KCNQ5: variants seen among roughly 807,000 people sequenced by gnomAD.
KCNQ5 encodes potassium voltage-gated channel subfamily Q member 5.
Under a neutral mutation model 98.2 loss-of-function variants are expected in KCNQ5, and 30 were observed. That is an observed-to-expected ratio of 0.31 (90% CI 0.23 to 0.41). The LOEUF (loss-of-function observed/expected upper bound fraction) is 0.41. Ranked by LOEUF, KCNQ5 falls within the 10% of genes least tolerant of loss-of-function variation. The pLI is 1.00. For synonymous variants in KCNQ5, 458 were observed against 449.4 expected, an observed-to-expected ratio of 1.02 and a Z score of -0.24; for missense variants, 835 against 1,182.5, an observed-to-expected ratio of 0.71 and a Z score of 4.31.
chr6:73,185,020 GAGT>G (rs1218210317), intron 11 of KCNQ5, among the ~76,000 whole-genome samples: 1 of 152,214 alleles, frequency 6.6e-6, no homozygotes, highest in Non-Finnish European at 1.5e-5. Context: ...GGGATATGAA[GAGT>G]AGAAGACATA....
chr6:72,680,945 CAG>C (rs997280773), intron 1 of KCNQ5, among the ~76,000 whole-genome samples: 1 of 152,102 alleles, frequency 6.6e-6, no homozygotes, highest in African/African-American at 2.4e-5. Flanking sequence ...CAAGTGGCAA[CAG>C]AAGAAAGAGC....
chr6:72,916,463 G>C (rs1190316274), intron 1 of KCNQ5, among the ~76,000 whole-genome samples: 1 of 152,172 alleles, frequency 6.6e-6, no homozygotes. Context: ...CGATGATAGA[G>C]AGAGGCAGAT....
chr6:73,036,548 C>A (rs1209562462), intron 2 of KCNQ5, among the ~76,000 whole-genome samples: 1 of 152,044 alleles, frequency 6.6e-6, no homozygotes, highest in Non-Finnish European at 1.5e-5. Context: ...TTCTCCATTT[C>A]TGAAATGTTT....
chr6:73,124,874 G>A lies in KCNQ5; in HGVS notation c.1247+362G>A, dbSNP rs148815322. Among the ~76,000 whole-genome samples the A allele has an allele frequency of 9.1e-3, 1,299 of 143,258 alleles. 22 individuals are homozygous for A. The highest frequency in any genetic ancestry group is 0.03 in the African/African-American group (1,174 of 39,596). 94.0% of individuals were successfully genotyped at this position (143,258 alleles called of 152,430 possible). On this transcript the variant is annotated intron_variant, in intron 9 of 13. Coordinates refer to ENST00000370398, the MANE Select transcript of KCNQ5 (RefSeq NM_019842.4). The stretch of plus-strand genomic sequence containing the variant: ...AAAGAAAGAAATTTTTTTTCTGAAT[G>A]TAAAAAGTCCAGGCAGCAGTCTAGG...
chr6:73,004,579 G>C (rs1769735301), intron 2 of KCNQ5, among the ~76,000 whole-genome samples: 1 of 152,154 alleles, frequency 6.6e-6, no homozygotes, highest in South Asian at 2.1e-4. Context: ...ACACAGAATT[G>C]CTCAATTCAC....
intron 1 of KCNQ5, among the ~76,000 whole-genome samples, chr6:72,713,298 T>TGAA (rs1769468618): frequency 6.6e-6 from 1 of 152,182 alleles, no homozygotes; most frequent in Non-Finnish European, 1.5e-5. Flanking sequence ...CTTTTCTTCC[T>TGAA]GCACCACCCT....
At chr6:73,123,949 CA>C (rs1162441120) in intron 8 of KCNQ5, among the ~76,000 whole-genome samples, 1 of 152,168 alleles carries the variant, frequency 6.6e-6, no homozygotes, top group Non-Finnish European at 1.5e-5. Context: ...TGAGTTATTA[CA>C]AATGCCACCC....
intron 2 of KCNQ5, among the ~76,000 whole-genome samples, chr6:73,008,799 A>G (rs1003316758): frequency 6.6e-6 from 1 of 152,156 alleles, no homozygotes; most frequent in Non-Finnish European, 1.5e-5. Context: ...AATAACAATA[A>G]CATAAACATT....
At chr6:73,060,069 G>A (rs1259132619) in intron 3 of KCNQ5, among the ~76,000 whole-genome samples, 3 of 151,908 alleles carry the variant, frequency 2.0e-5, no homozygotes, top group Admixed American at 6.6e-5. Context: ...ACCCAGTGGT[G>A]CTTTATAGAG....
At chr6:72,962,044 G>A (rs1258660911) in intron 1 of KCNQ5, among the ~76,000 whole-genome samples, 1 of 151,602 alleles carries the variant, frequency 6.6e-6, no homozygotes, top group Non-Finnish European at 1.5e-5. Flanking sequence ...TGGGTATGGT[G>A]GTGTGCACCT....
rs573785154 is a variant in KCNQ5 at position 72,707,582 on chromosome 6, A to T, written c.398+84995A>T. 6.6e-5 allele frequency among the ~76,000 whole-genome samples: 10 copies of T among 152,328 alleles called. 1 individual carries two copies. Among genetic ancestry groups the T allele is most frequent in the African/African-American group, 2.4e-4 (10 of 41,582 alleles). ...GCCAAGATAAAATGCTTAAATATTCAATTTATTTCATGATCCTTGAATCTC... is the reference window on the plus strand; with the variant it reads ...GCCAAGATAAAATGCTTAAATATTCTATTTATTTCATGATCCTTGAATCTC... On this transcript the variant is annotated intron_variant, in intron 1 of 13. Transcript: ENST00000370398.
At chr6:73,055,971 C>T (rs552948948) in intron 3 of KCNQ5, 14 of 401,552 alleles carry the variant, frequency 3.5e-5, no homozygotes, top group South Asian at 8.9e-5. Flanking sequence ...AGATGGGGAC[C>T]GGTGGCTCCC....
intron 1 of KCNQ5, among the ~76,000 whole-genome samples, chr6:72,906,750 G>A (rs1463028725): frequency 1.3e-5 from 2 of 152,216 alleles, no homozygotes; most frequent in Non-Finnish European, 2.9e-5. Context: ...TATTTGGGGT[G>A]TCTTCCAGGT....
At chr6:72,789,190 C>G (rs1349491400) in intron 1 of KCNQ5, among the ~76,000 whole-genome samples, 1 of 151,980 alleles carries the variant, frequency 6.6e-6, no homozygotes, top group Admixed American at 6.6e-5. Context: ...GACAGTCTTG[C>G]TCTGTCGCCT....
intron 1 of KCNQ5, among the ~76,000 whole-genome samples, chr6:72,870,805 A>G (rs1778173773): frequency 1.3e-5 from 2 of 152,200 alleles, no homozygotes; most frequent in Non-Finnish European, 2.9e-5. Flanking sequence ...TAATCCAGTA[A>G]TGCAGATTTC....
chr6:72,784,774 T>A (rs984666772), intron 1 of KCNQ5, among the ~76,000 whole-genome samples: 2 of 152,112 alleles, frequency 1.3e-5, no homozygotes, highest in African/African-American at 4.8e-5. Context: ...CCTACCCATA[T>A]CCCTTTGGCC....
intron 1 of KCNQ5, among the ~76,000 whole-genome samples, chr6:72,981,922 C>T (rs1284096155): frequency 4.6e-5 from 7 of 152,136 alleles, no homozygotes; most frequent in Non-Finnish European, 8.8e-5. Context: ...ACCCAGTAGT[C>T]GTTCAGGAGC....
At chr6:72,722,136 T>C (rs1463020693) in intron 1 of KCNQ5, among the ~76,000 whole-genome samples, 1 of 152,148 alleles carries the variant, frequency 6.6e-6, no homozygotes, top group Non-Finnish European at 1.5e-5. Flanking sequence ...AAACTGATTC[T>C]CCTTTCAGAG....
chr6:72,956,226 GAAAC>G (rs1261703470), intron 1 of KCNQ5, among the ~76,000 whole-genome samples: 3 of 152,156 alleles, frequency 2.0e-5, no homozygotes, highest in African/African-American at 7.2e-5. Flanking sequence ...ACATATGAAA[GAAAC>G]AGACTCAGAG....
Sources: gnomAD v4.1 joint callset for allele counts (sites outside exome capture counted in the v4.1 genomes callset) on GRCh38, gnomAD v4.1.1 for gene constraint, MANE v1.5 for transcripts, NCBI Gene and HGNC (gene_info 2026-07-23, HGNC 2026-07-21) for gene names.